Variants in CNTN5 observed in about 807,000 individuals in gnomAD.
CNTN5 encodes the protein contactin-5.
A neutral mutation model predicts 129.1 loss-of-function variants in CNTN5; 77 were observed. That is an observed-to-expected ratio of 0.60 (90% CI 0.50 to 0.72). The LOEUF (loss-of-function observed/expected upper bound fraction) is 0.72. CNTN5 is among the 30% of genes least tolerant of loss of function. CNTN5 has a pLI of 0.00. For synonymous variants in CNTN5, 509 were observed against 465.6 expected (o/e 1.09, Z -1.20); for missense variants, 1,478 against 1,328.8 (o/e 1.11, Z -1.75).
Position 99,923,786 on chromosome 11 carries a change from T to C in CNTN5, c.673+7637T>C, listed in dbSNP as rs528631149. ...ATCTATCTATCTATCTATCTATCTATCTATCTATCTATCTATCTATCTGAC... is the reference window on the plus strand; with the variant it reads ...ATCTATCTATCTATCTATCTATCTACCTATCTATCTATCTATCTATCTGAC... On this transcript the variant is annotated intron_variant, in intron 7 of 24. Transcript: ENST00000524871. Among the ~76,000 whole-genome samples, 101 of 151,906 alleles carry C rather than the reference T, an allele frequency of 6.6e-4. No individual in the cohort carries two copies. The Middle Eastern group carries it at 0.01, about 15-fold the overall frequency.
chr11:99,670,061 T>C (rs1952970609), intron 3 of CNTN5, among the ~76,000 whole-genome samples: 1 of 152,194 alleles, frequency 6.6e-6, no homozygotes, highest in African/African-American at 2.4e-5. Flanking sequence ...AAATAGAATT[T>C]TATTAATGTC....
chr11:100,191,193 G>C lies in CNTN5; in HGVS notation c.1648G>C (p.Val550Leu), dbSNP rs202081035. ...TTCCAAATCAGACGAGGGAAAGTAC[G>C]TTTGCCGAGGGGAAAACGTCTTTGG... The part of the protein sequence containing the change: ...NASKSDEGKY[V>L]CRGENVFGSA... Residue 550 changes from valine (V) to leucine (L), a missense_variant, in exon 14 of 25, where the codon GTT (valine) becomes CTT (leucine). By Grantham distance (32) the Val-to-Leu change is conservative. Coordinates refer to ENST00000524871, the MANE Select transcript of CNTN5 (RefSeq NM_014361.4). 1 of 1,612,238 alleles carries C rather than the reference G, an allele frequency of 6.2e-7. No individual in the cohort carries two copies. Among genetic ancestry groups the C allele is most frequent in the Non-Finnish European group, 8.5e-7 (1 of 1,178,770 alleles).
At chr11:99,501,237 T>C (rs1946417038) in intron 2 of CNTN5, among the ~76,000 whole-genome samples, 1 of 152,152 alleles carries the variant, frequency 6.6e-6, no homozygotes, top group Non-Finnish European at 1.5e-5. Flanking sequence ...GAATTATAAT[T>C]GGGACGCTCA....
intron 3 of CNTN5, among the ~76,000 whole-genome samples, chr11:99,578,768 A>C (rs1241924989): frequency 3.9e-5 from 6 of 151,980 alleles, no homozygotes; most frequent in Non-Finnish European, 8.8e-5. Flanking sequence ...ATTTTCTCCC[A>C]TTCTGTAGGT....
At chr11:99,628,655 AAG>A (rs1389969399) in intron 3 of CNTN5, among the ~76,000 whole-genome samples, 1 of 136,242 alleles carries the variant, frequency 7.3e-6, no homozygotes, top group African/African-American at 2.6e-5. Flanking sequence ...CACACACAGA[AAG>A]AGATAAATAA....
intron 2 of CNTN5, among the ~76,000 whole-genome samples, chr11:99,517,179 A>G (rs1478391894): frequency 6.6e-6 from 1 of 152,136 alleles, no homozygotes; most frequent in Non-Finnish European, 1.5e-5. Context: ...AGTCAGAAAT[A>G]TGAGAAGTCT....
intron 1 of CNTN5, among the ~76,000 whole-genome samples, chr11:99,274,439 C>G (rs1168305198): frequency 2.0e-5 from 3 of 151,508 alleles, no homozygotes; most frequent in African/African-American, 7.3e-5. Context: ...TTTTGAGAAG[C>G]TGTTTTTTAA....
chr11:100,291,777 AT>A (rs1173767555), intron 18 of CNTN5, among the ~76,000 whole-genome samples: 2 of 99,200 alleles, frequency 2.0e-5, no homozygotes, highest in South Asian at 3.9e-4. Context: ...AAATAAATAA[AT>A]AAATAAATAA....
chr11:100,345,261 A>G (rs930873411), intron 23 of CNTN5, among the ~76,000 whole-genome samples: 19 of 152,274 alleles, frequency 1.2e-4, no homozygotes, highest in African/African-American at 4.6e-4. Context: ...TATCCTCAAG[A>G]GGGGAGGAAC....
intron 7 of CNTN5, among the ~76,000 whole-genome samples, chr11:99,941,755 T>C (rs998202666): frequency 2.6e-5 from 4 of 151,968 alleles, no homozygotes; most frequent in Admixed American, 6.6e-5. Context: ...GAGGTTAAGG[T>C]AAAAATTATT....
At chr11:99,252,409 G>T (rs533820380) in intron 1 of CNTN5, among the ~76,000 whole-genome samples, 12 of 149,704 alleles carry the variant, frequency 8.0e-5, no homozygotes, top group Non-Finnish European at 1.5e-4. Flanking sequence ...CATTATTCCA[G>T]AAATTATTTT....
At chr11:100,158,865 A>G (rs562839025) in intron 13 of CNTN5, among the ~76,000 whole-genome samples, 6 of 152,040 alleles carry the variant, frequency 3.9e-5, no homozygotes, top group Admixed American at 3.3e-4. Flanking sequence ...ATGTGCATAC[A>G]ACAATGTTCA....
At chr11:99,122,228 C>T (rs187694659) in intron 1 of CNTN5, among the ~76,000 whole-genome samples, 1 of 152,102 alleles carries the variant, frequency 6.6e-6, no homozygotes, top group Non-Finnish European at 1.5e-5. Flanking sequence ...CTATCCCTTG[C>T]TTTAGGAACA....
intron 2 of CNTN5, among the ~76,000 whole-genome samples, chr11:99,394,060 C>T (rs1941401254): frequency 6.6e-6 from 1 of 151,636 alleles, no homozygotes; most frequent in South Asian, 2.1e-4. Context: ...TTCATGCCTT[C>T]TATATTTTTG....
intron 1 of CNTN5, among the ~76,000 whole-genome samples, chr11:99,124,097 T>C (rs2135415431): frequency 6.6e-6 from 1 of 152,206 alleles, no homozygotes; most frequent in East Asian, 1.9e-4. Flanking sequence ...GGAAGAGCAT[T>C]ACATTTATAA....
At chr11:99,913,453 A>AAATCTATTTATCTACTCACAATAT (rs1472918591) in intron 6 of CNTN5, among the ~76,000 whole-genome samples, 3 of 152,004 alleles carry the variant, frequency 2.0e-5, no homozygotes, top group Admixed American at 1.3e-4. Flanking sequence ...AAGAAAGAAA[A>AAATCTATTTATCTACTCACAATAT]AAAAAATCTA....
intron 3 of CNTN5, among the ~76,000 whole-genome samples, chr11:99,734,486 G>C (rs1192998666): frequency 1.3e-5 from 2 of 152,118 alleles, no homozygotes; most frequent in Non-Finnish European, 2.9e-5. Flanking sequence ...TTTCACTGAA[G>C]CTGAGTCATT....
intron 1 of CNTN5, among the ~76,000 whole-genome samples, chr11:99,256,442 G>T (rs528507621): frequency 6.6e-6 from 1 of 152,086 alleles, no homozygotes; most frequent in South Asian, 2.1e-4. Context: ...GTTGAATTCA[G>T]CATTTTATAT....
At chr11:100,116,756 AC>A (rs1328661163) in intron 13 of CNTN5, among the ~76,000 whole-genome samples, 2 of 151,994 alleles carry the variant, frequency 1.3e-5, no homozygotes, top group African/African-American at 2.4e-5. Context: ...ACATTATTTT[AC>A]ATGTAGATTT....
Sources: allele counts gnomAD v4.1 joint callset (sites outside exome capture counted in the v4.1 genomes callset), GRCh38; gene constraint gnomAD v4.1.1; transcripts MANE v1.5; gene names NCBI Gene and HGNC (gene_info 2026-07-23, HGNC 2026-07-21).